CUX1: variants seen among roughly 807,000 people sequenced by gnomAD.
The protein encoded by CUX1 is cut like homeobox 1, also known as protein CASP.
In CUX1, 31 loss-of-function variants were observed where a neutral mutation model predicts 158.8. The ratio of observed to expected loss-of-function variants is 0.20; its 90% confidence interval spans 0.15 to 0.26. CUX1 has a LOEUF of 0.26. CUX1 is among the 10% of genes least tolerant of loss of function. The pLI, the probability that CUX1 is intolerant of heterozygous loss-of-function variation, is 1.00. For synonymous variants in CUX1, 879 were observed against 862.1 expected (o/e 1.02, Z -0.34); for missense variants, 1,589 against 2,014.6 (o/e 0.79, Z 4.04).
intron 1 of CUX1, among the ~76,000 whole-genome samples, chr7:101,823,252 A>G (rs556194644): frequency 1.3e-5 from 2 of 152,228 alleles, no homozygotes; most frequent in African/African-American, 4.8e-5. Flanking sequence ...TCCTACACAG[A>G]GAAACATAAT....
chr7:102,002,965 A>C (rs1358928397), intron 2 of CUX1, among the ~76,000 whole-genome samples: 4 of 151,936 alleles, frequency 2.6e-5, no homozygotes, highest in African/African-American at 9.7e-5. Flanking sequence ...GCAATGGCAC[A>C]ATCTCGGCTC....
rs570397567 is a variant in CUX1 at position 101,965,667 on chromosome 7, G to A, written c.141+49442G>A. On this transcript the variant is annotated intron_variant, in intron 2 of 23. Coordinates refer to ENST00000292535, the MANE Select transcript of CUX1 (RefSeq NM_181552.4). ...TCGAGACCATCCTGGCTAACACAGT[G>A]AAACCCTGTCTCTACTAAAAATACA... Among the ~76,000 whole-genome samples the A allele has an allele frequency of 3.7e-3, 559 of 152,066 alleles. 4 individuals are homozygous for A. Among genetic ancestry groups the A allele is most frequent in the Admixed American group, 6.3e-3 (96 of 15,268 alleles).
chr7:101,874,907 G>A (rs1798962257), intron 1 of CUX1, among the ~76,000 whole-genome samples: 1 of 152,210 alleles, frequency 6.6e-6, no homozygotes, highest in African/African-American at 2.4e-5. Context: ...AGGCTGGGGG[G>A]CCGCCTGTCC....
intron 4 of CUX1, among the ~76,000 whole-genome samples, chr7:102,070,633 G>T (rs1327737701): frequency 1.3e-5 from 2 of 152,202 alleles, no homozygotes; most frequent in Non-Finnish European, 2.9e-5. Flanking sequence ...AAGTACTCAC[G>T]TAATCTCTAG....
intron 1 of CUX1, among the ~76,000 whole-genome samples, chr7:101,856,955 A>C (rs569075417): frequency 6.6e-6 from 1 of 152,190 alleles, no homozygotes; most frequent in East Asian, 1.9e-4. Context: ...GCCTCTGCTC[A>C]AGCTGTGCCT....
Position 102,198,868 on chromosome 7 carries a change from G to A in CUX1, c.1960+1G>A. On this transcript the variant is annotated splice_donor_variant, in intron 16 of 23. Transcript: ENST00000292535. LOFTEE classifies it high-confidence loss of function. Reference sequence around the variant, plus strand: ...CCGAAACGAAGAAATGGGTCTGAAGGTATGTTGCAGGCAGGCGTTTTCTTT... The same window carrying A: ...CCGAAACGAAGAAATGGGTCTGAAGATATGTTGCAGGCAGGCGTTTTCTTT... 2 of 1,614,092 alleles carry A rather than the reference G, an allele frequency of 1.2e-6. No homozygotes were observed. Among genetic ancestry groups the A allele is most frequent in the South Asian group, 1.1e-5 (1 of 91,082 alleles).
chr7:101,817,223 C>G, upstream of CUX1: 2 of 984,608 alleles, frequency 2.0e-6, no homozygotes, highest in Non-Finnish European at 2.4e-6. This position sits in a 1 kb window ranked among gnomAD's most constrained non-coding sequence, Gnocchi z 4.1. Context: ...CTCCCCGCCG[C>G]CGGTCCGAGC....
At chr7:102,228,683 A>G (rs1250343254) in intron 21 of CUX1, among the ~76,000 whole-genome samples, 2 of 152,192 alleles carry the variant, frequency 1.3e-5, no homozygotes, top group African/African-American at 2.4e-5. Context: ...CCTGTAGTTC[A>G]GCTACTCGGG....
At chr7:102,199,071 C>A (rs1285619185) in intron 16 of CUX1, among the ~76,000 whole-genome samples, 1 of 152,138 alleles carries the variant, frequency 6.6e-6, no homozygotes, top group Admixed American at 6.5e-5. Flanking sequence ...CAAGCACAGG[C>A]GGGGGTGAGA....
At chr7:101,997,916 C>T (rs1029003186) in intron 2 of CUX1, among the ~76,000 whole-genome samples, 1 of 151,122 alleles carries the variant, frequency 6.6e-6, no homozygotes, top group Non-Finnish European at 1.5e-5. Context: ...TGGGCACTCA[C>T]AGAGCAGTCC....
At chr7:102,022,334 A>T (rs7799576) in intron 2 of CUX1, among the ~76,000 whole-genome samples, 1 of 152,000 alleles carries the variant, frequency 6.6e-6, no homozygotes, top group South Asian at 2.1e-4. Flanking sequence ...TAATGGAAAT[A>T]CGGCCAGACA....
Position 102,254,119 on chromosome 7 carries a change from C to G in CUX1, c.*5077C>G. 1 of 985,414 alleles carries G rather than the reference C, an allele frequency of 1.0e-6. No individual in the cohort carries two copies. Among genetic ancestry groups the G allele is most frequent in the South Asian group, 4.7e-5 (1 of 21,272 alleles). The allele number at this position is 985,414 out of a possible 1,614,324, so 61.0% of individuals were successfully genotyped here. ...AACACGGACAAACAGCTGTGCTCTG[C>G]AAGGCACACGGATGTTTCCCTTCCA... On this transcript the variant is annotated 3_prime_UTR_variant, in exon 24 of 24. Coordinates refer to ENST00000292535, the MANE Select transcript of CUX1 (RefSeq NM_181552.4).
At position 102,255,050 on chromosome 7, in the gene CUX1, A is replaced by G; in HGVS notation, c.*6008A>G. The G allele has an allele frequency of 1.0e-6, 1 of 985,590 alleles. No individual in the cohort carries two copies. The highest frequency in any genetic ancestry group is 1.2e-6 in the Non-Finnish European group (1 of 830,090). 61.1% of individuals were successfully genotyped at this position (985,590 alleles called of 1,614,324 possible). A position where few individuals can be genotyped will look rare whatever the true frequency, so the allele number is the denominator to read the frequency against. On this transcript the variant is annotated 3_prime_UTR_variant, in exon 24 of 24. Coordinates refer to ENST00000292535, the MANE Select transcript of CUX1 (RefSeq NM_181552.4). ...GGAGGGGGTGTGGGGGGCAGAGCGT[A>G]AAACAAGCCCCAGCCCTACTCCCGG...
At chr7:102,035,152 T>C (rs1005469640) in intron 3 of CUX1, among the ~76,000 whole-genome samples, 9 of 151,112 alleles carry the variant, frequency 6.0e-5, no homozygotes, top group African/African-American at 1.7e-4. Flanking sequence ...ATTAACACTG[T>C]ACTGCAAATC....
At chr7:102,231,416 A>G (rs914411231) in intron 21 of CUX1, among the ~76,000 whole-genome samples, 3 of 151,470 alleles carry the variant, frequency 2.0e-5, no homozygotes, top group Admixed American at 6.6e-5. Flanking sequence ...CATCCATGCC[A>G]CCATCATTGC....
intron 14 of CUX1, among the ~76,000 whole-genome samples, chr7:102,272,309 A>G (rs1183531238): frequency 5.9e-5 from 9 of 152,226 alleles, no homozygotes; most frequent in African/African-American, 1.9e-4. Flanking sequence ...CAGGCCGCGC[A>G]GTCAGGGATG....
intron 20 of CUX1, among the ~76,000 whole-genome samples, chr7:102,211,778 TAAAA>T (rs66627422): frequency 6.5e-5 from 5 of 77,472 alleles, no homozygotes; most frequent in African/African-American, 9.4e-5. Context: ...AAACTCCATC[TAAAA>T]AAAAAAAAAA....
intron 1 of CUX1, among the ~76,000 whole-genome samples, chr7:101,838,453 C>A (rs948328440): frequency 1.9e-4 from 28 of 151,090 alleles, no homozygotes; most frequent in African/African-American, 6.8e-4. Flanking sequence ...TTTTTGAGAT[C>A]TTGTTGTCTA....
At chr7:102,094,675 G>A (rs1207570208) in intron 4 of CUX1, among the ~76,000 whole-genome samples, 7 of 152,326 alleles carry the variant, frequency 4.6e-5, no homozygotes, top group African/African-American at 1.7e-4. Flanking sequence ...TGGCACTTGT[G>A]CTAGAAAGCC....
Sources: gnomAD v4.1 joint callset for allele counts (sites outside exome capture counted in the v4.1 genomes callset) on GRCh38, gnomAD v4.1.1 for gene constraint, Gnocchi (gnomAD v3.1) non-coding constraint, MANE v1.5 for transcripts, NCBI Gene and HGNC (gene_info 2026-07-23, HGNC 2026-07-21) for gene names.